Variants in KATNIP observed in about 807,000 individuals in gnomAD.
The protein encoded by KATNIP is katanin-interacting protein.
A neutral mutation model predicts 174.0 loss-of-function variants in KATNIP; 126 were observed. That is an observed-to-expected ratio of 0.72 (90% confidence interval 0.63 to 0.84). The LOEUF (loss-of-function observed/expected upper bound fraction) is 0.84. Ranked by LOEUF, KATNIP falls within the 40% of genes least tolerant of loss-of-function variation. The pLI, the probability that KATNIP is intolerant of heterozygous loss-of-function variation, is 0.00. For missense variants in KATNIP, 1,958 were observed against 2,109.7 expected (o/e 0.93, Z 1.41); for synonymous variants, 810 against 835.7 (o/e 0.97, Z 0.53).
At chr16:27,737,323 A>C (rs1222335966) in intron 14 of KATNIP, among the ~76,000 whole-genome samples, 2 of 152,182 alleles carry the variant, frequency 1.3e-5, no homozygotes, top group African/African-American at 4.8e-5. Context: ...TTCAGGTTGC[A>C]GTGAACCCTG....
At chr16:27,687,000 CTGAT>C (rs896807503) in intron 8 of KATNIP, among the ~76,000 whole-genome samples, 1 of 152,180 alleles carries the variant, frequency 6.6e-6, no homozygotes, top group African/African-American at 2.4e-5. Flanking sequence ...ATTATTACTA[CTGAT>C]TATTATTTTA....
chr16:27,573,796 A>G (rs2090388881), intron 1 of KATNIP, 105 bp from the exon 2 acceptor site: 2 of 1,010,542 alleles, frequency 2.0e-6, no homozygotes, highest in South Asian at 2.7e-5. Flanking sequence ...TCATTTGATT[A>G]TGATTGGTCC....
At chr16:27,606,225 C>T (rs1213539404) in intron 2 of KATNIP, among the ~76,000 whole-genome samples, 1 of 152,208 alleles carries the variant, frequency 6.6e-6, no homozygotes, top group Non-Finnish European at 1.5e-5. Flanking sequence ...CACAGACTCA[C>T]TGGGAGAATA....
At chr16:27,772,395 C>G (rs557958414) in intron 22 of KATNIP, among the ~76,000 whole-genome samples, 9 of 152,350 alleles carry the variant, frequency 5.9e-5, no homozygotes, top group African/African-American at 2.2e-4. Context: ...CAGCCTGGCT[C>G]TAAGGCCCGC....
At chr16:27,774,632 T>A (rs776701673) in intron 23 of KATNIP, among the ~76,000 whole-genome samples, 2 of 152,126 alleles carry the variant, frequency 1.3e-5, no homozygotes, top group Non-Finnish European at 2.9e-5. Flanking sequence ...CCCTCCACCC[T>A]CTCAAGCAGC....
intron 14 of KATNIP, among the ~76,000 whole-genome samples, chr16:27,726,297 C>G (rs1447628675): frequency 6.6e-6 from 1 of 152,148 alleles, no homozygotes; most frequent in Admixed American, 6.5e-5. Context: ...GTCCCTGGTG[C>G]CCAAAAGGTT....
At chr16:27,708,475 A>G (rs533694584) in intron 12 of KATNIP, 28 of 480,612 alleles carry the variant, frequency 5.8e-5, no homozygotes, top group African/African-American at 5.0e-4. Flanking sequence ...CAGAATGCTC[A>G]CAGAGTGCCA....
At chr16:27,747,373 G>A (rs2081330558) in intron 15 of KATNIP, among the ~76,000 whole-genome samples, 1 of 152,098 alleles carries the variant, frequency 6.6e-6, no homozygotes, top group African/African-American at 2.4e-5. Context: ...GGATGCAAAG[G>A]CCAGAAAGCC....
intron 14 of KATNIP, among the ~76,000 whole-genome samples, chr16:27,736,255 G>A (rs978145115): frequency 1.3e-5 from 2 of 152,128 alleles, no homozygotes; most frequent in African/African-American, 4.8e-5. Context: ...CATCCACCTC[G>A]GCCTACCAAA....
chr16:27,697,662 T>C (rs1182076630), intron 8 of KATNIP, among the ~76,000 whole-genome samples: 2 of 151,882 alleles, frequency 1.3e-5, no homozygotes, highest in Non-Finnish European at 2.9e-5. Flanking sequence ...GTATGCCTGC[T>C]ATCATGTATT....
intron 6 of KATNIP, among the ~76,000 whole-genome samples, chr16:27,662,343 C>T (rs1414280125): frequency 2.0e-5 from 3 of 151,860 alleles, no homozygotes; most frequent in Non-Finnish European, 4.4e-5. Flanking sequence ...TTGTCAGTTC[C>T]TGATGAGACA....
intron 6 of KATNIP, among the ~76,000 whole-genome samples, chr16:27,655,386 A>G (rs1299942353): frequency 6.7e-6 from 1 of 148,428 alleles, no homozygotes; most frequent in Non-Finnish European, 1.5e-5. Context: ...GGTACGCACC[A>G]CCATGTCCAG....
chr16:27,708,476 C>T, intron 12 of KATNIP: 1 of 479,516 alleles, frequency 2.1e-6, no homozygotes, highest in Non-Finnish European at 3.7e-6. Context: ...AGAATGCTCA[C>T]AGAGTGCCAG....
chr16:27,777,999 GT>G lies in KATNIP; in HGVS notation c.4801+31del, dbSNP rs111282640. 3.4e-4 allele frequency: 536 copies of G among 1,599,764 alleles called. 3 individuals carry two copies. In the African/African-American group the frequency reaches 3.5e-3, roughly 10 times the overall value. On this transcript the variant is annotated intron_variant, in intron 27 of 27. Coordinates refer to ENST00000261588, the MANE Select transcript of KATNIP (RefSeq NM_015202.5). The surrounding 1 kb of genome is among the most constrained non-coding windows in gnomAD (Gnocchi z 4.4). ...GTGGCGTTTCTCTGCCCAGAGCATT[GT>G]GCCTTGGGAGCTCGGTCTGAATATA...
chr16:27,594,423 C>T (rs949494829), intron 2 of KATNIP, among the ~76,000 whole-genome samples: 24 of 151,994 alleles, frequency 1.6e-4, no homozygotes, highest in African/African-American at 5.8e-4. Context: ...GCCCAGGGAC[C>T]CACCTTGTGT....
At chr16:27,589,620 G>A (rs977793676) in intron 2 of KATNIP, among the ~76,000 whole-genome samples, 1 of 152,080 alleles carries the variant, frequency 6.6e-6, no homozygotes, top group Non-Finnish European at 1.5e-5. Flanking sequence ...CTAATTGTAT[G>A]GAATAGTAAT....
intron 2 of KATNIP, among the ~76,000 whole-genome samples, chr16:27,577,961 A>G (rs1354885823): frequency 6.6e-6 from 1 of 152,182 alleles, no homozygotes; most frequent in Non-Finnish European, 1.5e-5. Context: ...TAAAGCAGTC[A>G]GCACAGGGCC....
At chr16:27,768,291 G>T (rs1245450266) in intron 20 of KATNIP, among the ~76,000 whole-genome samples, 2 of 152,194 alleles carry the variant, frequency 1.3e-5, no homozygotes, top group African/African-American at 4.8e-5. Context: ...CTTAGTCCCT[G>T]TGAAGTTTAG....
chr16:27,599,188 A>G (rs1008802480), intron 2 of KATNIP, among the ~76,000 whole-genome samples: 3 of 152,142 alleles, frequency 2.0e-5, no homozygotes, highest in African/African-American at 7.2e-5. Flanking sequence ...GGGAGGGGAG[A>G]AGCCAGCCTG....
Sources: allele counts gnomAD v4.1 joint callset (sites outside exome capture counted in the v4.1 genomes callset), GRCh38; gene constraint gnomAD v4.1.1; non-coding constraint Gnocchi (gnomAD v3.1); transcripts MANE v1.5; gene names NCBI Gene and HGNC (gene_info 2026-07-23, HGNC 2026-07-21).